MAPRE2: variants seen among roughly 807,000 people sequenced by gnomAD.
MAPRE2 encodes the protein microtubule associated protein RP/EB family member 2, also known as microtubule-associated protein RP/EB family member 2.
A neutral mutation model predicts 43.2 loss-of-function variants in MAPRE2; 13 were observed. The ratio of observed to expected loss-of-function variants is 0.30; its 90% CI spans 0.20 to 0.48. The LOEUF (loss-of-function observed/expected upper bound fraction) is 0.48, where lower values mean the gene tolerates loss of function less well. MAPRE2 is among the 20% of genes least tolerant of loss of function. The pLI, the probability that MAPRE2 is intolerant of heterozygous loss-of-function variation, is 0.99. For synonymous variants in MAPRE2, 135 were observed against 148.8 expected (o/e 0.91, Z 0.68); for missense variants, 161 against 400.2 (o/e 0.40, Z 5.10).
At chr18:35,087,958 A>G (rs1290685584) in intron 2 of MAPRE2, among the ~76,000 whole-genome samples, 1 of 152,166 alleles carries the variant, frequency 6.6e-6, no homozygotes, top group African/African-American at 2.4e-5. Flanking sequence ...ACAATAGGGG[A>G]GAGAACAAGA....
intron 5 of MAPRE2, 169 bp from the exon 6 acceptor site, chr18:35,131,863 C>A: frequency 3.1e-6 from 2 of 645,510 alleles, no homozygotes; most frequent in Non-Finnish European, 5.3e-6. Flanking sequence ...CGTTTTGGCC[C>A]AGGGTCAAGC....
intron 1 of MAPRE2, among the ~76,000 whole-genome samples, chr18:34,985,189 A>G (rs2097018963): frequency 1.3e-5 from 1 of 75,604 alleles, no homozygotes; most frequent in East Asian, 4.3e-4. Flanking sequence ...TATAAATATA[A>G]TATATAAAAT....
chr18:35,106,093 G>A (rs544060851), intron 4 of MAPRE2, among the ~76,000 whole-genome samples: 42 of 152,120 alleles, frequency 2.8e-4, no homozygotes, highest in African/African-American at 9.9e-4. Context: ...GATGGTCAGC[G>A]GTCTGGAAAA....
chr18:35,046,791 G>C (rs573473063), intron 1 of MAPRE2, among the ~76,000 whole-genome samples: 2 of 152,284 alleles, frequency 1.3e-5, no homozygotes, highest in East Asian at 3.9e-4. Flanking sequence ...TCTGGCTCAG[G>C]ATGTCTTTCC....
At chr18:35,082,323 C>T (rs941481639) in intron 2 of MAPRE2, 1 of 150,516 alleles carries the variant, frequency 6.6e-6, no homozygotes, top group Non-Finnish European at 1.5e-5. Context: ...TACATACGTT[C>T]TGAAAATTAG....
intron 6 of MAPRE2, among the ~76,000 whole-genome samples, chr18:35,139,877 C>T (rs1335033104): frequency 6.6e-6 from 1 of 152,200 alleles, no homozygotes; most frequent in African/African-American, 2.4e-5. Flanking sequence ...GAGTGACACC[C>T]CCCACCAAAA....
At chr18:35,044,344 C>T (rs1195370374) in intron 1 of MAPRE2, among the ~76,000 whole-genome samples, 1 of 152,232 alleles carries the variant, frequency 6.6e-6, no homozygotes, top group Non-Finnish European at 1.5e-5. Flanking sequence ...GATTCTCCTG[C>T]CTCAGCCTCA....
chr18:35,025,196 G>A (rs2097044378), intron 2 of MAPRE2, among the ~76,000 whole-genome samples: 1 of 152,214 alleles, frequency 6.6e-6, no homozygotes, highest in Non-Finnish European at 1.5e-5. Context: ...CTCAAGTACT[G>A]TGAATGTGGA....
chr18:34,994,294 A>C (rs1195038029), intron 1 of MAPRE2, among the ~76,000 whole-genome samples: 1 of 152,164 alleles, frequency 6.6e-6, no homozygotes, highest in Non-Finnish European at 1.5e-5. Flanking sequence ...GCTACAAAAC[A>C]CGTAATCTGT....
At chr18:35,035,347 C>T (rs1489318003) in intron 2 of MAPRE2, among the ~76,000 whole-genome samples, 1 of 148,638 alleles carries the variant, frequency 6.7e-6, no homozygotes. Flanking sequence ...GAACATCACA[C>T]TCTGGGGACG....
At chr18:35,134,970 A>C (rs1910324767) in intron 6 of MAPRE2, among the ~76,000 whole-genome samples, 1 of 152,202 alleles carries the variant, frequency 6.6e-6, no homozygotes, top group African/African-American at 2.4e-5. Context: ...TATGCTGGGG[A>C]GTACCCAAAA....
chr18:35,102,816 T>C (rs1908742276), intron 4 of MAPRE2, among the ~76,000 whole-genome samples: 1 of 152,192 alleles, frequency 6.6e-6, no homozygotes, highest in Non-Finnish European at 1.5e-5. Flanking sequence ...AAGCAGAATG[T>C]GTTCTTATAA....
chr18:35,121,081 T>G (rs1909646058), intron 4 of MAPRE2, among the ~76,000 whole-genome samples: 1 of 152,210 alleles, frequency 6.6e-6, no homozygotes, highest in Admixed American at 6.5e-5. Flanking sequence ...AAAGGAATAA[T>G]ATGGCAGATT....
chr18:35,073,938 A>G (rs1341955822), intron 2 of MAPRE2, among the ~76,000 whole-genome samples: 1 of 152,204 alleles, frequency 6.6e-6, no homozygotes, highest in East Asian at 1.9e-4. Context: ...ATCTCCTGTT[A>G]TTTTATCCCA....
chr18:35,005,505 A>G lies in MAPRE2; in HGVS notation c.-56A>G, dbSNP rs772007155. 1.9e-6 allele frequency: 3 copies of G among 1,540,358 alleles called. No homozygotes were observed. The South Asian group carries it at 3.7e-5, about 19-fold the overall frequency. On this transcript the variant is annotated 5_prime_UTR_variant, in exon 2 of 8. Transcript: ENST00000413393. ...TTACTATCCCAGTGTCCTGTTTCCCAGAGGAACAGTTCATTTCAACAGCCA... is the reference window on the plus strand; with the variant it reads ...TTACTATCCCAGTGTCCTGTTTCCCGGAGGAACAGTTCATTTCAACAGCCA...
At chr18:34,980,457 G>C (rs139962342) in intron 1 of MAPRE2, among the ~76,000 whole-genome samples, 5 of 152,084 alleles carry the variant, frequency 3.3e-5, no homozygotes, top group Admixed American at 6.5e-5. Flanking sequence ...TCTCATAGGG[G>C]CCTCAGTGTC....
chr18:35,002,042 C>A (rs1486678674), intron 1 of MAPRE2, among the ~76,000 whole-genome samples: 1 of 152,136 alleles, frequency 6.6e-6, no homozygotes, highest in African/African-American at 2.4e-5. Flanking sequence ...ATTTCCATCA[C>A]CACAAAAATA....
At chr18:35,139,179 A>G (rs1910515742) in intron 6 of MAPRE2, among the ~76,000 whole-genome samples, 1 of 152,184 alleles carries the variant, frequency 6.6e-6, no homozygotes, top group Non-Finnish European at 1.5e-5. Flanking sequence ...GGTTTGTCCT[A>G]AGCTCCAAGG....
rs907742693 is a variant in MAPRE2, at chr18:35,141,909, G to A, written c.*1540G>A. ...GATGAAATATGAATTCTAAATTCTA[G>A]CATTGAAGCTTTTCACCAAAAGAAG... is the stretch of plus-strand genomic sequence containing the variant. On this transcript the variant is annotated 3_prime_UTR_variant, in exon 7 of 7. Coordinates refer to ENST00000300249, the MANE Select transcript of MAPRE2 (RefSeq NM_014268.4). The A allele has an allele frequency of 5.9e-5, 9 of 152,134 alleles. No homozygotes were observed. Among genetic ancestry groups the A allele is most frequent in the African/African-American group, 2.2e-4 (9 of 41,406 alleles). The allele number at this position is 152,134 out of a possible 1,614,324, so 9.4% of individuals were successfully genotyped here.
Sources: allele counts gnomAD v4.1 joint callset (sites outside exome capture counted in the v4.1 genomes callset), GRCh38; gene constraint gnomAD v4.1.1; transcripts MANE v1.5; gene names NCBI Gene and HGNC (gene_info 2026-07-23, HGNC 2026-07-21).